The following CTSB variants were observed in gnomAD, a reference collection of about 807,000 sequenced individuals.
CTSB encodes the protein APP secretase.
A neutral mutation model predicts 44.3 loss-of-function variants in CTSB; 57 were observed. That is an observed-to-expected ratio of 1.29 (90% confidence interval 1.04 to 1.60). The LOEUF (loss-of-function observed/expected upper bound fraction) is 1.60. Ranked by LOEUF, CTSB falls within the 40% of genes most tolerant of loss-of-function variation. The pLI, the probability that CTSB is intolerant of heterozygous loss-of-function variation, is 0.00. For missense variants in CTSB, 768 were observed against 443.0 expected (o/e 1.73, Z -6.59); for synonymous variants, 320 against 168.0 (o/e 1.91, Z -7.00).
intron 1 of CTSB, chr8:11,865,361 G>A (rs942531278): frequency 6.6e-6 from 1 of 151,958 alleles, no homozygotes; most frequent in Admixed American, 6.6e-5. Context: ...TGGCCAACGT[G>A]GCAAAACCCC....
At chr8:11,861,823 C>G (rs900918392) in intron 1 of CTSB, among the ~76,000 whole-genome samples, 1 of 152,172 alleles carries the variant, frequency 6.6e-6, no homozygotes, top group African/African-American at 2.4e-5. Context: ...TTCTGCCTCT[C>G]CAGCTTGCAG....
intron 1 of CTSB, among the ~76,000 whole-genome samples, chr8:11,858,189 G>A (rs1010834961): frequency 6.6e-6 from 1 of 152,234 alleles, no homozygotes; most frequent in African/African-American, 2.4e-5. Context: ...GCTCCAGCGG[G>A]CTCTGTTCCC....
At chr8:11,847,017 C>A in intron 8 of CTSB, 35 bp downstream of exon 8, 5 of 1,148,952 alleles carry the variant, frequency 4.4e-6, no homozygotes, top group South Asian at 1.2e-5. Flanking sequence ...CCTCCCGACC[C>A]CCACCCTCTA....
chr8:11,852,372 A>C (rs1814748504), intron 3 of CTSB, among the ~76,000 whole-genome samples: 1 of 152,158 alleles, frequency 6.6e-6, no homozygotes, highest in South Asian at 2.1e-4. Flanking sequence ...CTCTCTCAAA[A>C]ACCAAAAAAA....
At chr8:11,848,712 TAAGGA>T (rs1813939469) in intron 5 of CTSB, 2 of 309,262 alleles carry the variant, frequency 6.5e-6, no homozygotes, top group Non-Finnish European at 1.3e-5. Context: ...TAACTACACA[TAAGGA>T]AATGCCCCAA....
intron 1 of CTSB, 42 bp from the exon 2 acceptor site, chr8:11,853,521 G>C (rs1204063339): frequency 6.4e-7 from 1 of 1,562,618 alleles, no homozygotes; most frequent in African/African-American, 1.4e-5. Flanking sequence ...TCTGTTATGT[G>C]GGTCGAGGGC....
rs555835006 is a variant in CTSB, at chr8:11,849,958, G to A, written c.328-794C>T. On this transcript the variant is annotated intron_variant, in intron 4 of 9. Transcript: ENST00000353047. ...TGATCCACTTGTATGAGGTCCCTAG[G>A]AGTCAAATTCATAGAGACAGAAAGT... is the stretch of plus-strand genomic sequence containing the variant. The A allele has an allele frequency of 2.6e-5, 4 of 152,420 alleles. No individual in the cohort carries two copies. The East Asian group carries it at 5.8e-4, about 22-fold the overall frequency. The allele number at this position is 152,420 out of a possible 1,614,324, so 9.4% of individuals were successfully genotyped here.
chr8:11,862,793 G>A (rs1360043415), intron 1 of CTSB, among the ~76,000 whole-genome samples: 1 of 152,262 alleles, frequency 6.6e-6, no homozygotes, highest in African/African-American at 2.4e-5. Flanking sequence ...GAGACAGCCC[G>A]GCCCTCCGGG....
rs148207375 is a variant in CTSB at position 11,851,811 on chromosome 8, C to T, written c.212+799G>A. ...CCTCCCGAGTAGCTGGGATTACAGG[C>T]GCCCGCCACCACGCCTGGCAAAGTT... is the stretch of plus-strand genomic sequence containing the variant. On this transcript the variant is annotated intron_variant, in intron 3 of 9. Transcript: ENST00000353047. 7.1e-3 allele frequency among the ~76,000 whole-genome samples: 1,086 copies of T among 152,148 alleles called. 13 individuals are homozygous for T. The highest frequency in any genetic ancestry group is 0.025 in the African/African-American group (1,039 of 41,544).
In CTSB at chr8:11,844,579, T is replaced by A. The variant is rs1008714432; in HGVS notation, c.*546A>T. The A allele has an allele frequency of 2.0e-5, 3 of 152,478 alleles. No homozygotes were observed. The highest frequency in any genetic ancestry group is 7.3e-5 in the African/African-American group (3 of 41,340). 9.4% of individuals were successfully genotyped at this position (152,478 alleles called of 1,614,324 possible). On this transcript the variant is annotated 3_prime_UTR_variant, in exon 10 of 10. Transcript: ENST00000353047. ...ATGATTAGCAGAGTGCACGAAAAAA[T>A]AAAACTTCTATTAAAGAATCATGCT...
In CTSB at chr8:11,845,114, C is replaced by T. The variant is rs762360301; in HGVS notation, c.*11G>A. The T allele has an allele frequency of 4.4e-6, 7 of 1,596,062 alleles. No individual in the cohort carries two copies. The South Asian group carries it at 4.4e-5, about 10-fold the overall frequency. On this transcript the variant is annotated 3_prime_UTR_variant, in exon 10 of 10. Coordinates refer to ENST00000353047, the MANE Select transcript of CTSB (RefSeq NM_001908.5). ...TCGCCCCCAGGACTGGCACGACAGGCCCACGGCAGATTAGATCTTTTCCCA... is the reference window on the plus strand; with the variant it reads ...TCGCCCCCAGGACTGGCACGACAGGTCCACGGCAGATTAGATCTTTTCCCA...
At position 11,850,934 on chromosome 8, in the gene CTSB, G is replaced by T; in HGVS notation, c.259C>A (p.Arg87=). 3.1e-6 allele frequency: 5 copies of T among 1,613,402 alleles called. No homozygotes were observed. In the South Asian group the frequency reaches 3.3e-5, roughly 11 times the overall value. ...GTGGGACACTGTGGCCATTGTTCCC[G>T]TGCATCGAAGCTTGCAGGCAGCTTC... ...DLKLPASFDA[R]EQWPQCPTIK... Residue 87 remains arginine (R), a synonymous_variant, in exon 4 of 10, where the codon CGG becomes AGG. Coordinates refer to ENST00000353047, the MANE Select transcript of CTSB (RefSeq NM_001908.5).
chr8:11,847,328 C>G (rs534577229), intron 7 of CTSB, among the ~76,000 whole-genome samples, 160 bp from the exon 8 acceptor site: 43 of 152,110 alleles, frequency 2.8e-4, no homozygotes, highest in African/African-American at 9.9e-4. Context: ...CCCTGAAGAA[C>G]TAAGGACAGG....
At chr8:11,853,727 C>A in intron 1 of CTSB, 1 of 427,814 alleles carries the variant, frequency 2.3e-6, no homozygotes, top group Non-Finnish European at 4.2e-6. Flanking sequence ...CTGTGCTGGA[C>A]GAGACCGAGT....
At chr8:11,851,163 A>G (rs374916699) in intron 3 of CTSB, among the ~76,000 whole-genome samples, 183 bp from the exon 4 acceptor site, 4 of 141,266 alleles carry the variant, frequency 2.8e-5, no homozygotes, top group East Asian at 2.3e-4. Context: ...CTGTTGCTCA[A>G]TGCACCTTTT....
chr8:11,850,800 C>G, intron 4 of CTSB, 66 bp downstream of exon 4: 3 of 1,199,340 alleles, frequency 2.5e-6, no homozygotes, highest in Non-Finnish European at 2.4e-6. Context: ...CCCGAATCCC[C>G]CAAGACTCTC....
rs775836738 is a variant in CTSB, at chr8:11,853,312, G to A, written c.126+17C>T. The A allele has an allele frequency of 8.1e-6, 13 of 1,612,322 alleles. No individual in the cohort carries two copies. Among genetic ancestry groups the A allele is most frequent in the Middle Eastern group, 1.6e-4 (1 of 6,074 alleles). ...ACCTGGGAGGGGACATACATAGGAC[G>A]CAGCCCCACAGCCTACCTGCCACGT... On this transcript the variant is annotated intron_variant, in intron 2 of 9. Coordinates refer to ENST00000353047, the MANE Select transcript of CTSB (RefSeq NM_001908.5).
At position 11,849,037 on chromosome 8, in the gene CTSB, C is replaced by G. The variant is rs199582927; in HGVS notation, c.446+9G>C. On this transcript the variant is annotated intron_variant, in intron 5 of 9. Transcript: ENST00000353047. Reference sequence around the variant, plus strand: ...ACTAAACCCGCTGTGGAAGCACAGCCTGACTCACCCGTCCCCACACATGCT... The same window carrying G: ...ACTAAACCCGCTGTGGAAGCACAGCGTGACTCACCCGTCCCCACACATGCT... The G allele has an allele frequency of 3.8e-3, 6,159 of 1,606,638 alleles. 18 individuals are homozygous for G. The highest frequency in any genetic ancestry group is 4.6e-3 in the Non-Finnish European group (5,357 of 1,174,088).
In CTSB at chr8:11,845,777, T is replaced by G; in HGVS notation, c.806A>C (p.His269Pro). 1 of 1,613,540 alleles carries G rather than the reference T, an allele frequency of 6.2e-7. No homozygotes were observed. Among genetic ancestry groups the G allele is most frequent in the Admixed American group, 1.7e-5 (1 of 59,992 alleles). ...GCCACCCATCATCTCTCCGGTGACGTGTTGGTACACTCCTGAAAAGGGAAG... is the reference window on the plus strand; with the variant it reads ...GCCACCCATCATCTCTCCGGTGACGGGTTGGTACACTCCTGAAAAGGGAAG... ...FLLYKSGVYQ[H>P]VTGEMMGGHA... Residue 269 changes from histidine to proline, a missense_variant, in exon 9 of 10, where the codon CAC becomes CCC. Coordinates refer to ENST00000353047, the MANE Select transcript of CTSB (RefSeq NM_001908.5).
Sources: allele counts gnomAD v4.1 joint callset (sites outside exome capture counted in the v4.1 genomes callset), GRCh38; gene constraint gnomAD v4.1.1; transcripts MANE v1.5; gene names NCBI Gene and HGNC (gene_info 2026-07-23, HGNC 2026-07-21).